The following MYRIP variants were observed in gnomAD, a reference collection of about 807,000 sequenced individuals.
MYRIP encodes the protein myosin VIIA and Rab interacting protein, also known as rab effector MyRIP.
Under a neutral mutation model 98.0 loss-of-function variants are expected in MYRIP, and 49 were observed. The ratio of observed to expected loss-of-function variants is 0.50; its 90% CI spans 0.40 to 0.63. The LOEUF (loss-of-function observed/expected upper bound fraction) is 0.63. Among genes scored for constraint, MYRIP ranks in the 30% least tolerant of loss-of-function variants. The pLI, the probability that MYRIP is intolerant of heterozygous loss-of-function variation, is 0.00. For missense variants in MYRIP, 1,004 were observed against 1,058.2 expected (o/e 0.95, Z 0.71); for synonymous variants, 404 against 409.5 (o/e 0.99, Z 0.16).
At chr3:40,242,206 T>C (rs1221441364) in intron 12 of MYRIP, 1 of 152,202 alleles carries the variant, frequency 6.6e-6, no homozygotes, top group Non-Finnish European at 1.5e-5. Context: ...GCTATGAGCA[T>C]ATATAAGTCA....
chr3:39,922,120 T>TTTA (rs1300503269), intron 2 of MYRIP, among the ~76,000 whole-genome samples: 5 of 152,084 alleles, frequency 3.3e-5, no homozygotes, highest in African/African-American at 1.2e-4. Context: ...GGTTTTTGTT[T>TTTA]TGTTTTGTTT....
intron 3 of MYRIP, among the ~76,000 whole-genome samples, chr3:40,149,503 T>G (rs1367218503): frequency 6.6e-6 from 1 of 152,250 alleles, no homozygotes; most frequent in Non-Finnish European, 1.5e-5. Flanking sequence ...ACTGAAGTCT[T>G]AAATCTGAAG....
intron 3 of MYRIP, among the ~76,000 whole-genome samples, chr3:40,099,288 T>C (rs563803957): frequency 6.6e-6 from 1 of 152,224 alleles, no homozygotes; most frequent in Non-Finnish European, 1.5e-5. Flanking sequence ...AATGCTATGC[T>C]TATTAATAAT....
At chr3:40,062,087 C>T (rs1948030098) in intron 3 of MYRIP, among the ~76,000 whole-genome samples, 1 of 152,184 alleles carries the variant, frequency 6.6e-6, no homozygotes, top group Admixed American at 6.5e-5. Flanking sequence ...TGTGCAGAAG[C>T]TCTTAAGTTG....
intron 2 of MYRIP, among the ~76,000 whole-genome samples, chr3:39,956,166 C>T (rs1176846044): frequency 6.6e-6 from 1 of 152,124 alleles, no homozygotes; most frequent in East Asian, 1.9e-4. Context: ...CTCAGCTCTG[C>T]ACCAAGGAGA....
chr3:40,105,160 C>G (rs1949029305), intron 3 of MYRIP, among the ~76,000 whole-genome samples: 1 of 152,196 alleles, frequency 6.6e-6, no homozygotes, highest in Non-Finnish European at 1.5e-5. Context: ...TGCCTCCCTT[C>G]CCATTCCCAT....
chr3:40,199,816 A>G (rs1357828019), intron 10 of MYRIP, among the ~76,000 whole-genome samples: 1 of 152,086 alleles, frequency 6.6e-6, no homozygotes, highest in Non-Finnish European at 1.5e-5. Context: ...CTCCCACAAA[A>G]ATAAAAATAA....
intron 2 of MYRIP, among the ~76,000 whole-genome samples, chr3:39,937,331 T>C (rs1944677049): frequency 6.6e-6 from 1 of 152,246 alleles, no homozygotes; most frequent in Non-Finnish European, 1.5e-5. Context: ...CATGTTGTTC[T>C]TATTTTTGGC....
intron 1 of MYRIP, among the ~76,000 whole-genome samples, chr3:39,859,870 A>G (rs1009685307): frequency 1.1e-4 from 17 of 152,188 alleles, no homozygotes; most frequent in Non-Finnish European, 2.4e-4. Flanking sequence ...CCCCAAAATA[A>G]TAGAAGCCAT....
chr3:40,117,845 AATC>A (rs1267216307), intron 3 of MYRIP, among the ~76,000 whole-genome samples: 2 of 152,170 alleles, frequency 1.3e-5, no homozygotes, highest in Admixed American at 1.3e-4. Flanking sequence ...ACAAAGAAGA[AATC>A]ATGAGAGGCC....
intron 2 of MYRIP, among the ~76,000 whole-genome samples, chr3:40,003,027 T>C (rs1344327577): frequency 3.7e-5 from 2 of 53,872 alleles, no homozygotes; most frequent in South Asian, 1.2e-3. Context: ...TATGTAGATA[T>C]CTATATATCT....
At chr3:40,145,443 T>TC (rs922658470) in intron 3 of MYRIP, among the ~76,000 whole-genome samples, 3 of 152,232 alleles carry the variant, frequency 2.0e-5, no homozygotes, top group Non-Finnish European at 4.4e-5. Flanking sequence ...TTTCATTTTT[T>TC]CCACCAAACC....
intron 2 of MYRIP, among the ~76,000 whole-genome samples, chr3:40,008,137 T>C (rs9311230): frequency 0.91 from 138,727 of 152,256 alleles, 64,036 homozygotes; most frequent in Non-Finnish European, 0.99. Context: ...ACTTCATGCT[T>C]CATAGCACTT....
chr3:40,118,505 C>T (rs1305403714), intron 3 of MYRIP, among the ~76,000 whole-genome samples: 2 of 151,888 alleles, frequency 1.3e-5, no homozygotes, highest in Non-Finnish European at 2.9e-5. Flanking sequence ...AGTGAAAATG[C>T]CTGCATGCCC....
chr3:39,860,597 T>G (rs1399658972), intron 1 of MYRIP, among the ~76,000 whole-genome samples: 1 of 152,132 alleles, frequency 6.6e-6, no homozygotes, highest in East Asian at 1.9e-4. Flanking sequence ...GATGCCCAGC[T>G]AGGGTGTCTC....
At chr3:39,960,887 A>G (rs1945306440) in intron 2 of MYRIP, among the ~76,000 whole-genome samples, 1 of 152,126 alleles carries the variant, frequency 6.6e-6, no homozygotes, top group South Asian at 2.1e-4. Context: ...CTGAAAATCG[A>G]TACCTCCCCC....
At chr3:39,906,701 C>T (rs190091642) in intron 2 of MYRIP, among the ~76,000 whole-genome samples, 42 of 152,280 alleles carry the variant, frequency 2.8e-4, no homozygotes, top group Non-Finnish European at 4.7e-4. Context: ...GTTCAAAAGT[C>T]TTACCCAACT....
At chr3:40,068,056 C>T (rs1303472330) in intron 3 of MYRIP, among the ~76,000 whole-genome samples, 3 of 152,108 alleles carry the variant, frequency 2.0e-5, no homozygotes, top group Non-Finnish European at 4.4e-5. Flanking sequence ...GAACATTGGG[C>T]GTTTCTTCTC....
At chr3:40,232,083 A>C (rs112721462) in intron 11 of MYRIP, among the ~76,000 whole-genome samples, 2 of 152,268 alleles carry the variant, frequency 1.3e-5, no homozygotes, top group South Asian at 2.1e-4. Flanking sequence ...GTTCTCTTGG[A>C]CATTGCCCTT....
Sources: allele counts gnomAD v4.1 joint callset (sites outside exome capture counted in the v4.1 genomes callset), GRCh38; gene constraint gnomAD v4.1.1; transcripts MANE v1.5; gene names NCBI Gene and HGNC (gene_info 2026-07-23, HGNC 2026-07-21).